Variants in N4BP2L2 observed in about 807,000 individuals in gnomAD.
N4BP2L2 encodes NEDD4-binding protein 2-like 2.
N4BP2L2 carries 50 observed loss-of-function variants against 56.2 expected under a neutral mutation model. The ratio of observed to expected loss-of-function variants is 0.89; its 90% CI spans 0.71 to 1.13. The LOEUF (loss-of-function observed/expected upper bound fraction) is 1.13. Among genes scored for constraint, N4BP2L2 ranks in the 50% most tolerant of loss-of-function variants. N4BP2L2 has a pLI of 0.00. For missense variants in N4BP2L2, 689 were observed against 693.8 expected (o/e 0.99, Z 0.08); for synonymous variants, 203 against 223.6 (o/e 0.91, Z 0.82).
rs543223462 is a variant in N4BP2L2, at chr13:32,440,651, C to T, written c.2104+1737G>A. Among the ~76,000 whole-genome samples, 631 of 152,062 alleles carry T rather than the reference C, an allele frequency of 4.1e-3. 5 individuals carry two copies. Among genetic ancestry groups the T allele is most frequent in the African/African-American group, 0.014 (584 of 41,486 alleles). On this transcript the variant is annotated intron_variant, in intron 7 of 9. Transcript: ENST00000357505. ...CTAATTTTTGTATTTTTAGTAGAGA[C>T]AGGGTTTCACCATGTTGGCCAGGCT...
chr13:32,535,953 G>C, exon 2 of N4BP2L2: 1 of 1,613,816 alleles, frequency 6.2e-7, no homozygotes, highest in Non-Finnish European at 8.5e-7. Context: ...CTCACATATC[G>C]ATCTTGCATA....
rs182614139 is a variant in N4BP2L2 at position 32,495,983 on chromosome 13, G to A, written c.365+21874C>T. Among the ~76,000 whole-genome samples, 242 of 152,014 alleles carry A rather than the reference G, an allele frequency of 1.6e-3. 3 individuals carry two copies. The highest frequency in any genetic ancestry group is 5.8e-3 in the African/African-American group (239 of 41,510). On this transcript the variant is annotated intron_variant, in intron 6 of 9. Transcript: ENST00000357505. ...CAGGCATGAACCACCCCACCCCGCC[G>A]GTGCCTTTTGACTCCGAGGCTGTGA...
chr13:32,517,745 G>C lies in N4BP2L2; in HGVS notation c.*57C>G. On this transcript the variant is annotated 3_prime_UTR_variant, in exon 6 of 6. Transcript: ENST00000267068. ...TTGAAACTACTTAAACTCCAAGACA[G>C]GCTCACTAACTCTTTTTCAAGTGCA... 6 of 1,588,994 alleles carry C rather than the reference G, an allele frequency of 3.8e-6. No homozygotes were observed. In the South Asian group the frequency reaches 6.8e-5, roughly 18 times the overall value.
chr13:32,472,602 GC>G (rs140323961), intron 6 of N4BP2L2, among the ~76,000 whole-genome samples: 3,542 of 152,240 alleles, frequency 0.023, 128 homozygotes, highest in African/African-American at 0.081. Flanking sequence ...ATGCCACCTG[GC>G]CTAGAGCTCG....
exon 3 of N4BP2L2, chr13:32,527,532 T>C (rs2053387966): frequency 6.2e-7 from 1 of 1,610,714 alleles, no homozygotes; most frequent in Non-Finnish European, 8.5e-7. Flanking sequence ...CAAGCAGAAT[T>C]CTGTTAATAA....
At chr13:32,468,780 G>A (rs565320749) in intron 6 of N4BP2L2, among the ~76,000 whole-genome samples, 13 of 152,330 alleles carry the variant, frequency 8.5e-5, no homozygotes, top group Non-Finnish European at 1.5e-4. Context: ...CTGATGCCCT[G>A]CACACCCAGA....
chr13:32,534,537 G>C (rs2055992473), intron 2 of N4BP2L2, among the ~76,000 whole-genome samples: 1 of 152,088 alleles, frequency 6.6e-6, no homozygotes, highest in African/African-American at 2.4e-5. Flanking sequence ...TTATAGAGGT[G>C]AAATTTCATC....
At chr13:32,436,193 A>C (rs1201190353) in intron 9 of N4BP2L2, among the ~76,000 whole-genome samples, 1 of 152,268 alleles carries the variant, frequency 6.6e-6, no homozygotes, top group African/African-American at 2.4e-5. Flanking sequence ...AAAGGAAATA[A>C]AAACATCACA....
Position 32,442,387 on chromosome 13 carries a change from C to G in N4BP2L2, c.2104+1G>C. 6.4e-7 allele frequency: 1 copy of G among 1,570,072 alleles called. No homozygotes were observed. The highest frequency in any genetic ancestry group is 8.6e-7 in the Non-Finnish European group (1 of 1,161,152). On this transcript the variant is annotated splice_donor_variant, in intron 7 of 9. Coordinates refer to the N4BP2L2 transcript ENST00000357505. LOFTEE classifies it high-confidence loss of function. ...ACTTTTAGCAAAAGAAAACAACTTA[C>G]CCATTGGAACGCCTGGAGATCCAAA... is the stretch of plus-strand genomic sequence containing the variant.
downstream of N4BP2L2, chr13:32,505,927 T>C (rs992082994): frequency 6.6e-6 from 1 of 152,258 alleles, no homozygotes; most frequent in African/African-American, 2.4e-5. Context: ...ATACTTCTTC[T>C]GGCCTCTACC....
intron 6 of N4BP2L2, among the ~76,000 whole-genome samples, chr13:32,486,873 C>T (rs533090685): frequency 6.6e-6 from 1 of 151,996 alleles, no homozygotes; most frequent in African/African-American, 2.4e-5. Context: ...GTGGCATGCA[C>T]CTGTAGACCC....
intron 6 of N4BP2L2, among the ~76,000 whole-genome samples, chr13:32,470,773 T>A (rs146164124): frequency 6.6e-5 from 10 of 152,334 alleles, no homozygotes; most frequent in Middle Eastern, 3.4e-3. Context: ...CGGAGTATGC[T>A]GAGTACAAGT....
rs2076703099 is a variant in N4BP2L2 at position 32,444,250 on chromosome 13, C to T, written c.366-124G>A. 3 of 655,008 alleles carry T rather than the reference C, an allele frequency of 4.6e-6. No homozygotes were observed. The East Asian group carries it at 9.7e-5, about 21-fold the overall frequency. 40.6% of individuals were successfully genotyped at this position (655,008 alleles called of 1,614,324 possible). On this transcript the variant is annotated intron_variant, in intron 6 of 9. Coordinates refer to the N4BP2L2 transcript ENST00000357505. ...TTAGTACAAGAGACTCTCAAGTGTG[C>T]ACGTACTTTTTCTTTGTTTGTTTGT...
chr13:32,519,644 T>G (rs1368636993), intron 5 of N4BP2L2, among the ~76,000 whole-genome samples: 1 of 151,836 alleles, frequency 6.6e-6, no homozygotes, highest in Admixed American at 6.6e-5. Context: ...AATGAGACTC[T>G]GTCTGAAAAA....
At chr13:32,481,118 CAAAAAAAAAAAAAAAAAAA>C (rs60854435) in intron 6 of N4BP2L2, among the ~76,000 whole-genome samples, 2 of 20,712 alleles carry the variant, frequency 9.7e-5, no homozygotes, top group South Asian at 4.3e-3. Context: ...GACTCTGTCT[CAAAAAAAAAAAAAAAAAAA>C]AAAAAAAAAA....
exon 8 of N4BP2L2, chr13:32,438,682 C>G (rs1304122954): frequency 6.2e-7 from 1 of 1,610,366 alleles, no homozygotes; most frequent in Admixed American, 1.7e-5. Flanking sequence ...GCAAGTAGAT[C>G]ATCTTTAGTG....
chr13:32,521,603 G>A (rs1200515139), intron 4 of N4BP2L2, 154 bp from the exon 5 acceptor site: 1 of 538,964 alleles, frequency 1.9e-6, no homozygotes, highest in South Asian at 3.0e-5. Flanking sequence ...TAACAGTTAA[G>A]ACTATTTAAC....
exon 6 of N4BP2L2, chr13:32,517,565 G>C: frequency 7.9e-7 from 1 of 1,269,120 alleles, no homozygotes; most frequent in South Asian, 2.0e-5. Flanking sequence ...CTATTACTCA[G>C]GTGCTTCCAT....
chr13:32,477,019 T>C (rs1461166344), intron 6 of N4BP2L2, among the ~76,000 whole-genome samples: 2 of 152,172 alleles, frequency 1.3e-5, no homozygotes, highest in African/African-American at 4.8e-5. Flanking sequence ...TCAACTATCA[T>C]ACGATTGTGA....
Sources: gnomAD v4.1 joint callset for allele counts (sites outside exome capture counted in the v4.1 genomes callset) on GRCh38, gnomAD v4.1.1 for gene constraint, MANE v1.5 for transcripts, NCBI Gene and HGNC (gene_info 2026-07-23, HGNC 2026-07-21) for gene names.